The following PPFIA4 variants were observed in gnomAD, a reference collection of about 807,000 sequenced individuals.
PPFIA4 encodes liprin-alpha-4.
Under a neutral mutation model 145.7 loss-of-function variants are expected in PPFIA4, and 98 were observed. The observed-to-expected ratio is 0.67, with a 90% CI of 0.57 to 0.80. The LOEUF (loss-of-function observed/expected upper bound fraction) is 0.80. PPFIA4 is among the 30% of genes least tolerant of loss of function. PPFIA4 has a pLI of 0.00. For missense variants in PPFIA4, 1,457 were observed against 1,632.7 expected, an observed-to-expected ratio of 0.89 and a Z score of 1.85; for synonymous variants, 628 against 649.6, an observed-to-expected ratio of 0.97 and a Z score of 0.51.
In PPFIA4 at chr1:203,060,413, G is replaced by A. The variant is rs761165262; in HGVS notation, c.2780G>A (p.Arg927Lys). 2 of 1,612,942 alleles carry A rather than the reference G, an allele frequency of 1.2e-6. No individual in the cohort carries two copies. Among genetic ancestry groups the A allele is most frequent in the Non-Finnish European group, 8.5e-7 (1 of 1,179,858 alleles). ...LTSPSAPPTSRTSSGNVWVTH... is the reference protein window; with the variant it reads ...LTSPSAPPTSKTSSGNVWVTH... ...AGCCCCTCTGCCCCACCCACCTCCAGGACTGTGAGTGGCCCCTCCTTTGCC... is the reference window on the plus strand; with the variant it reads ...AGCCCCTCTGCCCCACCCACCTCCAAGACTGTGAGTGGCCCCTCCTTTGCC... The change falls in exon 22 of 30, where the codon AGG (arginine) becomes AAG (lysine). Residue 927 changes from arginine to lysine, a missense_variant. Physicochemically the swap from Arg to Lys is conservative, Grantham distance 26 (BLOSUM62 2). Coordinates refer to ENST00000295706, the MANE Select transcript of PPFIA4 (RefSeq NM_001304331.2). The surrounding 1 kb of genome is among the most constrained non-coding windows in gnomAD (Gnocchi z 4.8).
At position 203,044,054 on chromosome 1, in the gene PPFIA4, C is replaced by G; in HGVS notation, c.460C>G (p.Leu154Val). Residue 154 changes from leucine (L) to valine (V), a missense_variant, in exon 4 of 30, where the codon CTC (leucine) becomes GTC (valine). Transcript: ENST00000295706. Reference sequence around the variant, plus strand: ...CAGTGAGGTGGAGGTGCTGAAGGCCCTCAAGTCACTGTTTGAGCACCACAA... The same window carrying G: ...CAGTGAGGTGGAGGTGCTGAAGGCCGTCAAGTCACTGTTTGAGCACCACAA... ...VSSEVEVLKA[L>V]KSLFEHHKAL... The G allele has an allele frequency of 6.2e-7, 1 of 1,610,190 alleles. No individual in the cohort carries two copies. The highest frequency in any genetic ancestry group is 1.7e-5 in the Admixed American group (1 of 59,700).
chr1:203,054,944 G>A (rs961762534), intron 15 of PPFIA4, among the ~76,000 whole-genome samples: 6 of 152,132 alleles, frequency 3.9e-5, no homozygotes, highest in African/African-American at 1.2e-4. Flanking sequence ...GTGTGTGCGT[G>A]TGCATGCACT....
chr1:203,050,215 G>C (rs991271680), intron 13 of PPFIA4, among the ~76,000 whole-genome samples: 2 of 152,240 alleles, frequency 1.3e-5, no homozygotes, highest in Admixed American at 1.3e-4. Flanking sequence ...TGAAGCATCA[G>C]AAACTTCCTT....
chr1:203,043,595 T>C lies in PPFIA4; in HGVS notation c.336+97T>C. On this transcript the variant is annotated intron_variant, in intron 3 of 29. Coordinates refer to ENST00000295706, the MANE Select transcript of PPFIA4 (RefSeq NM_001304331.2). The surrounding 1 kb of genome is among the most constrained non-coding windows in gnomAD (Gnocchi z 4.4). ...CCTTGACCAAGAGAGCAGGCAAGAG[T>C]GGGGCCAGGCACAGTCCTAGCTCAA... The C allele has an allele frequency of 8.9e-7, 1 of 1,123,882 alleles. No homozygotes were observed. The highest frequency in any genetic ancestry group is 1.3e-6 in the Non-Finnish European group (1 of 766,816). The allele number at this position is 1,123,882 out of a possible 1,614,324, so 69.6% of individuals were successfully genotyped here.
chr1:203,044,806 T>C, intron 6 of PPFIA4, 21 bp downstream of exon 6: 1 of 1,551,656 alleles, frequency 6.4e-7, no homozygotes, highest in Non-Finnish European at 8.7e-7. Context: ...GAGAGCTGTG[T>C]AGCAGGGGTC....
intron 1 of PPFIA4, among the ~76,000 whole-genome samples, chr1:203,037,934 G>A (rs1429021009): frequency 6.6e-6 from 1 of 152,184 alleles, no homozygotes; most frequent in Non-Finnish European, 1.5e-5. Flanking sequence ...CCTGCGTGCT[G>A]TCCTCCTTGG....
chr1:203,028,873 G>T (rs889128180), intron 1 of PPFIA4, among the ~76,000 whole-genome samples: 3 of 152,102 alleles, frequency 2.0e-5, no homozygotes, highest in Admixed American at 6.5e-5. Flanking sequence ...GCTAGCTCAC[G>T]GACCTATAAT....
At chr1:203,067,599 A>G (rs1661817386) in intron 25 of PPFIA4, 96 bp from the exon 26 acceptor site, 1 of 1,013,172 alleles carries the variant, frequency 9.9e-7, no homozygotes, top group Non-Finnish European at 1.5e-6. Flanking sequence ...TGGAGGCAGT[A>G]GGTCTGGACA....
At chr1:203,056,701 C>G in intron 18 of PPFIA4, 83 bp from the exon 19 acceptor site, 1 of 1,333,840 alleles carries the variant, frequency 7.5e-7, no homozygotes, top group African/African-American at 1.5e-5. Flanking sequence ...AGAAGTTCTT[C>G]CTGAGGTCTA....
chr1:203,049,735 AG>A lies in PPFIA4; in HGVS notation c.1485del (p.Pro496ArgfsTer39). Reference sequence around the variant, plus strand: ...AAGAGGTGGACCAGCTGAAGGGCCGAGGGGGGCCGTTTGTGGATGGCGTCCA... The same window carrying A: ...AAGAGGTGGACCAGCTGAAGGGCCGAGGGGGCCGTTTGTGGATGGCGTCCA... ...RQEVDQLKGR[G>X]GPFVDGVHSR... On this transcript the variant is annotated frameshift_variant, in exon 13 of 30. Transcript: ENST00000295706. LOFTEE classifies it high-confidence loss of function. 3 of 1,587,546 alleles carry A rather than the reference AG, an allele frequency of 1.9e-6. No individual in the cohort carries two copies. The highest frequency in any genetic ancestry group is 1.2e-5 in the South Asian group (1 of 86,906).
chr1:203,075,976 G>GTAGATCT lies in PPFIA4; in HGVS notation c.3574+219_3574+220insTAGATCT. 1 of 535,724 alleles carries GTAGATCT rather than the reference G, an allele frequency of 1.9e-6. No homozygotes were observed. The highest frequency in any genetic ancestry group is 3.1e-6 in the Non-Finnish European group (1 of 324,004). The allele number at this position is 535,724 out of a possible 1,614,324, so 33.2% of individuals were successfully genotyped here. A position where few individuals can be genotyped will look rare whatever the true frequency, so the allele number is the denominator to read the frequency against. ...CTGCCGACTTCTCCCAGCTGGGACGGCGGGGTCGCAGAGACTGGAGACCTC... is the reference window on the plus strand; with the variant it reads ...CTGCCGACTTCTCCCAGCTGGGACGGTAGATCTCGGGGTCGCAGAGACTGGAGACCTC... On this transcript the variant is annotated intron_variant, in intron 29 of 29. Coordinates refer to ENST00000295706, the MANE Select transcript of PPFIA4 (RefSeq NM_001304331.2). This position sits in a 1 kb window ranked among gnomAD's most constrained non-coding sequence, Gnocchi z 4.1.
chr1:203,038,913 C>A lies in PPFIA4; in HGVS notation c.-96C>A. The A allele has an allele frequency of 1.5e-6, 1 of 661,326 alleles. No individual in the cohort carries two copies. The highest frequency in any genetic ancestry group is 3.0e-5 in the Admixed American group (1 of 33,882). The allele number at this position is 661,326 out of a possible 1,614,324, so 41.0% of individuals were successfully genotyped here. On this transcript the variant is annotated 5_prime_UTR_variant, in exon 2 of 30. Coordinates refer to ENST00000295706, the MANE Select transcript of PPFIA4 (RefSeq NM_001304331.2). ...ACCTGTCCACTCGCCTGGCACTGCC[C>A]ACTCTGAGACCCATGCACTGGGTTC...
At chr1:203,061,822 C>T in intron 24 of PPFIA4, 144 bp downstream of exon 24, 1 of 789,668 alleles carries the variant, frequency 1.3e-6, no homozygotes, top group Non-Finnish European at 1.9e-6. Flanking sequence ...CAGAGTGCCC[C>T]CCGCCCCCAC....
In PPFIA4 at chr1:203,059,160, A is replaced by G. The variant is rs1428092044; in HGVS notation, c.2408-18A>G. ...GAGGCAGAGGGGCTGGCTGACACAC[A>G]CATCTCTTTCCTTGTAGTTCTGCTA... On this transcript the variant is annotated intron_variant, in intron 19 of 29. Coordinates refer to ENST00000295706, the MANE Select transcript of PPFIA4 (RefSeq NM_001304331.2). The G allele has an allele frequency of 1.7e-5, 25 of 1,479,330 alleles. No homozygotes were observed. Among genetic ancestry groups the G allele is most frequent in the Non-Finnish European group, 2.2e-5 (24 of 1,079,718 alleles). The allele number at this position is 1,479,330 out of a possible 1,614,324, so 91.6% of individuals were successfully genotyped here. A position where few individuals can be genotyped will look rare whatever the true frequency, so the allele number is the denominator to read the frequency against.
rs1558086551 is a variant in PPFIA4 at position 203,055,252 on chromosome 1, G to T, written c.1830-180G>T. Among the ~76,000 whole-genome samples the T allele has an allele frequency of 6.6e-6, 1 of 152,198 alleles. No homozygotes were observed. Among genetic ancestry groups the T allele is most frequent in the African/African-American group, 2.4e-5 (1 of 41,442 alleles). On this transcript the variant is annotated intron_variant, in intron 15 of 29. Coordinates refer to ENST00000295706, the MANE Select transcript of PPFIA4 (RefSeq NM_001304331.2). The surrounding 1 kb of genome is among the most constrained non-coding windows in gnomAD (Gnocchi z 4.8). ...TCCCCAGCAGCTGCTTTTGTTAAAC[G>T]GAGGGAGTAGGCAAGCTAACAAGAA...
intron 25 of PPFIA4, among the ~76,000 whole-genome samples, chr1:203,065,327 A>G (rs1661658256): frequency 6.6e-6 from 1 of 152,014 alleles, no homozygotes; most frequent in African/African-American, 2.4e-5. Flanking sequence ...CCCCCACCCA[A>G]ATCAGCTAGG....
chr1:203,039,837 T>G (rs555389061), intron 2 of PPFIA4, among the ~76,000 whole-genome samples: 2 of 152,340 alleles, frequency 1.3e-5, no homozygotes, highest in Non-Finnish European at 2.9e-5. Flanking sequence ...AACCCTGAAG[T>G]TGGTGCTGTT....
At position 203,048,151 on chromosome 1, in the gene PPFIA4, C is replaced by T; in HGVS notation, c.1141-76C>T. 7.0e-7 allele frequency: 1 copy of T among 1,430,510 alleles called. No individual in the cohort carries two copies. Among genetic ancestry groups the T allele is most frequent in the Non-Finnish European group, 9.7e-7 (1 of 1,027,122 alleles). The allele number at this position is 1,430,510 out of a possible 1,614,324, so 88.6% of individuals were successfully genotyped here. On this transcript the variant is annotated intron_variant, in intron 9 of 29. Coordinates refer to ENST00000295706, the MANE Select transcript of PPFIA4 (RefSeq NM_001304331.2). This position sits in a 1 kb window ranked among gnomAD's most constrained non-coding sequence, Gnocchi z 5.8. ...ATGATCCCCAGGGCCACCCTGGCACCAGGGTGCAGGGGATGCGGGGCCTGA... is the reference window on the plus strand; with the variant it reads ...ATGATCCCCAGGGCCACCCTGGCACTAGGGTGCAGGGGATGCGGGGCCTGA...
intron 13 of PPFIA4, 148 bp from the exon 14 acceptor site, chr1:203,051,621 G>C: frequency 2.1e-6 from 3 of 1,408,146 alleles, no homozygotes; most frequent in Non-Finnish European, 2.8e-6. Context: ...TTACACGGCA[G>C]CCCTTCAGAC....
Sources: allele counts gnomAD v4.1 joint callset (sites outside exome capture counted in the v4.1 genomes callset), GRCh38; gene constraint gnomAD v4.1.1; non-coding constraint Gnocchi (gnomAD v3.1); transcripts MANE v1.5; gene names NCBI Gene and HGNC (gene_info 2026-07-23, HGNC 2026-07-21).